The following RPS6KC1 variants were observed in gnomAD, a reference collection of about 807,000 sequenced individuals.
RPS6KC1 encodes inactive ribosomal protein S6 kinase delta-1.
Under a neutral mutation model 103.8 loss-of-function variants are expected in RPS6KC1, and 54 were observed. The observed-to-expected ratio is 0.52, with a 90% CI of 0.42 to 0.65. The LOEUF is 0.65. Ranked by LOEUF, RPS6KC1 falls within the 30% of genes least tolerant of loss-of-function variation. The pLI is 0.00. For missense variants in RPS6KC1, 1,151 were observed against 1,253.8 expected, an observed-to-expected ratio of 0.92 and a Z score of 1.24; for synonymous variants, 439 against 438.7, an observed-to-expected ratio of 1.00 and a Z score of -0.01.
At chr1:213,320,060 G>A in the RPS6KC1 span, among the ~76,000 whole-genome samples, 1 of 152,198 alleles carries the variant, frequency 6.6e-6, no homozygotes, top group African/African-American at 2.4e-5. Flanking sequence ...TAGAAGAAGA[G>A]GGTAGAATAA....
chr1:213,206,946 AC>A (rs1398043560), intron 8 of RPS6KC1, among the ~76,000 whole-genome samples: 1 of 152,000 alleles, frequency 6.6e-6, no homozygotes, highest in African/African-American at 2.4e-5. Flanking sequence ...CCCTGTCTCT[AC>A]CGAAAATACA....
chr1:213,249,484 A>G (rs939068872), intron 12 of RPS6KC1, among the ~76,000 whole-genome samples: 1 of 152,248 alleles, frequency 6.6e-6, no homozygotes, highest in African/African-American at 2.4e-5. Flanking sequence ...TTTAATAGCC[A>G]TGCGTGTAGC....
At chr1:213,286,749 A>C in the RPS6KC1 span, among the ~76,000 whole-genome samples, 147,996 of 152,280 alleles carry the variant, frequency 0.97, 72,071 homozygotes, top group East Asian at 1. Flanking sequence ...GGCATTAAGC[A>C]TCAGTGGTTG....
intron 10 of RPS6KC1, among the ~76,000 whole-genome samples, chr1:213,235,421 A>G (rs944384622): frequency 2.0e-5 from 3 of 152,152 alleles, no homozygotes; most frequent in African/African-American, 7.2e-5. Context: ...TAAATATGCT[A>G]TGGAGAAAAA....
chr1:213,804,654 G>C, the RPS6KC1 span, among the ~76,000 whole-genome samples: 1 of 152,086 alleles, frequency 6.6e-6, no homozygotes, highest in East Asian at 1.9e-4. Flanking sequence ...GATTTTTATT[G>C]TTGTCTATCT....
At chr1:213,731,233 T>C in the RPS6KC1 span, among the ~76,000 whole-genome samples, 1 of 152,194 alleles carries the variant, frequency 6.6e-6, no homozygotes, top group African/African-American at 2.4e-5. Flanking sequence ...GCTATTCAGC[T>C]CTTTTTGGTT....
At chr1:213,842,539 T>A in the RPS6KC1 span, among the ~76,000 whole-genome samples, 2 of 152,280 alleles carry the variant, frequency 1.3e-5, no homozygotes, top group South Asian at 4.1e-4. Flanking sequence ...CATTACAAAT[T>A]CAGCATGAGA....
chr1:213,244,686 A>G (rs9430118), intron 12 of RPS6KC1, among the ~76,000 whole-genome samples: 41,053 of 152,094 alleles, frequency 0.27, 6,378 homozygotes, highest in East Asian at 0.4. Flanking sequence ...AATTTCATAT[A>G]CTGAAATACC....
chr1:213,689,774 C>G, the RPS6KC1 span, among the ~76,000 whole-genome samples: 1 of 152,226 alleles, frequency 6.6e-6, no homozygotes, highest in Non-Finnish European at 1.5e-5. Flanking sequence ...TGCCATAGTT[C>G]TGCCGCAGGT....
the RPS6KC1 span, among the ~76,000 whole-genome samples, chr1:213,734,828 G>A: frequency 4.6e-5 from 7 of 152,252 alleles, no homozygotes; most frequent in African/African-American, 1.7e-4. Flanking sequence ...GCGGCACAAG[G>A]TCATGGTTTT....
At chr1:213,673,284 T>A in the RPS6KC1 span, among the ~76,000 whole-genome samples, 1 of 152,230 alleles carries the variant, frequency 6.6e-6, no homozygotes, top group African/African-American at 2.4e-5. Context: ...AGTTAAGTTG[T>A]CTCTGGATAA....
At chr1:213,278,396 A>T (rs1243660856), downstream of RPS6KC1, among the ~76,000 whole-genome samples, 2 of 152,154 alleles carry the variant, frequency 1.3e-5, no homozygotes, top group South Asian at 4.2e-4. Flanking sequence ...AAATTGATCC[A>T]ATGGAAAACA....
chr1:213,646,972 A>T, the RPS6KC1 span, among the ~76,000 whole-genome samples: 1 of 151,922 alleles, frequency 6.6e-6, no homozygotes, highest in Non-Finnish European at 1.5e-5. Flanking sequence ...ATCTGAGCTC[A>T]TTGCAACCTC....
chr1:213,719,247 T>C, the RPS6KC1 span, among the ~76,000 whole-genome samples: 1 of 152,234 alleles, frequency 6.6e-6, no homozygotes, highest in East Asian at 1.9e-4. Context: ...TATTATTCAA[T>C]ATAGTTATTT....
the RPS6KC1 span, among the ~76,000 whole-genome samples, chr1:213,576,987 C>T: frequency 6.6e-6 from 1 of 152,190 alleles, no homozygotes; most frequent in Non-Finnish European, 1.5e-5. Context: ...AAAGATCAAA[C>T]CAGCCACAAC....
the RPS6KC1 span, among the ~76,000 whole-genome samples, chr1:213,397,152 C>T: frequency 6.6e-6 from 1 of 152,096 alleles, no homozygotes. Context: ...ACAGCAGGTT[C>T]CCCCGTCCCA....
At chr1:213,088,082 C>T (rs2148632017) in intron 3 of RPS6KC1, among the ~76,000 whole-genome samples, 1 of 152,294 alleles carries the variant, frequency 6.6e-6, no homozygotes, top group Non-Finnish European at 1.5e-5. Context: ...TTCCTCATAC[C>T]ATGACTGTGT....
chr1:213,199,135 T>C (rs1456668448), intron 8 of RPS6KC1, among the ~76,000 whole-genome samples: 1 of 152,194 alleles, frequency 6.6e-6, no homozygotes, highest in Non-Finnish European at 1.5e-5. Context: ...CTTTTGTAAC[T>C]CATTTTATGA....
the RPS6KC1 span, among the ~76,000 whole-genome samples, chr1:213,345,781 G>T: frequency 1.3e-5 from 2 of 152,250 alleles, no homozygotes; most frequent in East Asian, 1.9e-4. Flanking sequence ...GACACTTTCT[G>T]TTCTGCTCCT....
Sources: allele counts gnomAD v4.1 joint callset (sites outside exome capture counted in the v4.1 genomes callset), GRCh38; gene constraint gnomAD v4.1.1; transcripts MANE v1.5; gene names NCBI Gene and HGNC (gene_info 2026-07-23, HGNC 2026-07-21).